Variants in USP10 observed in about 807,000 individuals in gnomAD.
USP10 encodes the protein ubiquitin specific peptidase 10, also known as ubiquitin carboxyl-terminal hydrolase 10.
Under a neutral mutation model 84.5 loss-of-function variants are expected in USP10, and 22 were observed. The ratio of observed to expected loss-of-function variants is 0.26; its 90% CI spans 0.19 to 0.37. The LOEUF (loss-of-function observed/expected upper bound fraction) is 0.37. Ranked by LOEUF, USP10 falls within the 10% of genes least tolerant of loss-of-function variation. The probability of loss-of-function intolerance (pLI) is 1.00; values close to 1 mark genes in which losing one functional copy is unlikely to be tolerated. For missense variants in USP10, 1,019 were observed against 998.9 expected (o/e 1.02, Z -0.27); for synonymous variants, 454 against 387.6 (o/e 1.17, Z -2.01).
Position 84,718,063 on chromosome 16 carries a change from T to C in USP10, c.22-15372T>C, listed in dbSNP as rs112163045. Among the ~76,000 whole-genome samples, 209 of 152,310 alleles carry C rather than the reference T, an allele frequency of 1.4e-3. 1 individual carries two copies. Among genetic ancestry groups the C allele is most frequent in the African/African-American group, 4.6e-3 (193 of 41,556 alleles). On this transcript the variant is annotated intron_variant, in intron 1 of 13. Transcript: ENST00000219473. ...AGAGATTGGGAGATTACTTGTCTTA[T>C]AGAGTTGTAGATGCTTCAGAGAACT... is the stretch of plus-strand genomic sequence containing the variant.
intron 2 of USP10, among the ~76,000 whole-genome samples, chr16:84,738,611 A>T (rs1910231521): frequency 6.6e-6 from 1 of 152,122 alleles, no homozygotes; most frequent in African/African-American, 2.4e-5. Context: ...ATCTCAGCAT[A>T]CAGAATGCTT....
intron 4 of USP10, among the ~76,000 whole-genome samples, chr16:84,747,182 C>G (rs2326392): frequency 0.2 from 30,699 of 152,146 alleles, 3,560 homozygotes; most frequent in East Asian, 0.41. Flanking sequence ...TCCACCAAGC[C>G]TGGTGACCAG....
chr16:84,775,808 C>T (rs1289035405), intron 13 of USP10, among the ~76,000 whole-genome samples: 1 of 152,224 alleles, frequency 6.6e-6, no homozygotes, highest in Non-Finnish European at 1.5e-5. Context: ...AGGCTCCCTG[C>T]AGTATCATTT....
At chr16:84,764,931 G>GAGAGA (rs11373757) in intron 10 of USP10, among the ~76,000 whole-genome samples, 5 of 39,252 alleles carry the variant, frequency 1.3e-4, no homozygotes, top group African/African-American at 4.4e-4. Context: ...GAGAGAGAGA[G>GAGAGA]AAAAAAAAAT....
At chr16:84,703,906 C>G (rs918942469) in intron 1 of USP10, among the ~76,000 whole-genome samples, 1 of 152,208 alleles carries the variant, frequency 6.6e-6, no homozygotes, top group Admixed American at 6.5e-5. Flanking sequence ...CTACCACATT[C>G]TAAATTCCTC....
chr16:84,758,767 G>A lies in USP10; in HGVS notation c.1244G>A (p.Arg415His), dbSNP rs1166998938. 1.2e-6 allele frequency: 2 copies of A among 1,613,758 alleles called. No individual in the cohort carries two copies. Among genetic ancestry groups the A allele is most frequent in the Non-Finnish European group, 1.7e-6 (2 of 1,179,776 alleles). Residue 415 changes from arginine (R) to histidine (H), a missense_variant, in exon 5 of 14, where the codon CGT (arginine) becomes CAT (histidine). Transcript: ENST00000219473. ...LIHKPVSLQP[R>H]GLINKGNWCY... ...CATAAACCAGTGTCGTTGCAACCCC[G>A]TGGGCTGATCAATAAAGGGAACTGG...
rs1205977545 is a variant in USP10 at position 84,745,710 on chromosome 16, G to A, written c.1192+37G>A. Reference sequence around the variant, plus strand: ...AAGATACAAATCTAGAGTGAAGATGGGAGCAGACCTCATCAACTGGGCTTA... The same window carrying A: ...AAGATACAAATCTAGAGTGAAGATGAGAGCAGACCTCATCAACTGGGCTTA... On this transcript the variant is annotated intron_variant, in intron 4 of 13. Coordinates refer to ENST00000219473, the MANE Select transcript of USP10 (RefSeq NM_005153.3). The A allele has an allele frequency of 1.8e-5, 28 of 1,559,098 alleles. No homozygotes were observed. The South Asian group carries it at 2.7e-4, about 15-fold the overall frequency.
chr16:84,719,641 G>A (rs1016904242), intron 1 of USP10, among the ~76,000 whole-genome samples: 5 of 152,208 alleles, frequency 3.3e-5, no homozygotes, highest in South Asian at 4.1e-4. Flanking sequence ...ATAGAATATA[G>A]GAAGCCGATT....
intron 11 of USP10, 80 bp from the exon 12 acceptor site, chr16:84,772,461 C>CT (rs987441016): frequency 6.3e-7 from 1 of 1,589,912 alleles, no homozygotes; most frequent in South Asian, 1.1e-5. Context: ...CAGAGGACGT[C>CT]TTTGAGCGGA....
intron 4 of USP10, among the ~76,000 whole-genome samples, chr16:84,748,718 T>G (rs1283768020): frequency 2.6e-5 from 4 of 152,248 alleles, no homozygotes. Context: ...TTAAAATGTT[T>G]TAGAACATTC....
intron 2 of USP10, among the ~76,000 whole-genome samples, chr16:84,737,878 G>A (rs1910134127): frequency 6.6e-6 from 1 of 152,140 alleles, no homozygotes; most frequent in African/African-American, 2.4e-5. Flanking sequence ...AGCCTTTCCA[G>A]CCTCTCCACC....
chr16:84,770,979 C>A (rs1479243969), intron 11 of USP10, among the ~76,000 whole-genome samples: 1 of 151,604 alleles, frequency 6.6e-6, no homozygotes, highest in Non-Finnish European at 1.5e-5. Flanking sequence ...ATCACTTGAA[C>A]CCTGGAGGTG....
chr16:84,742,765 G>T (rs939630693), intron 3 of USP10, among the ~76,000 whole-genome samples: 1 of 152,296 alleles, frequency 6.6e-6, no homozygotes, highest in East Asian at 1.9e-4. Context: ...GAACTGTGCT[G>T]GCTAGGAATC....
chr16:84,714,403 C>G (rs1461595023), intron 1 of USP10, among the ~76,000 whole-genome samples: 1 of 152,216 alleles, frequency 6.6e-6, no homozygotes, highest in African/African-American at 2.4e-5. Context: ...CCTGCACCAT[C>G]TAACTCCTAG....
At chr16:84,732,853 C>T (rs1208105876) in intron 1 of USP10, among the ~76,000 whole-genome samples, 1 of 152,184 alleles carries the variant, frequency 6.6e-6, no homozygotes, top group East Asian at 1.9e-4. Flanking sequence ...AAATCACATT[C>T]TGAATTCCGT....
Position 84,760,681 on chromosome 16 carries a change from C to G in USP10, c.1554+406C>G, listed in dbSNP as rs1397711223. Among the ~76,000 whole-genome samples the G allele has an allele frequency of 2.6e-5, 4 of 152,296 alleles. No individual in the cohort carries two copies. The South Asian group carries it at 8.3e-4, about 32-fold the overall frequency. ...AGAGCTTATGTCTTCATCATACTTA[C>G]AGGCTTTAGTAGCTATTTGATGTAC... On this transcript the variant is annotated intron_variant, in intron 8 of 13. Transcript: ENST00000219473.
intron 1 of USP10, 73 bp downstream of exon 1, chr16:84,700,184 G>C (rs1180754241): frequency 8.8e-7 from 1 of 1,131,250 alleles, no homozygotes; most frequent in Non-Finnish European, 1.1e-6. Flanking sequence ...GCGGGCGGGC[G>C]TCCGCGCCCT....
At chr16:84,734,124 G>A (rs1909594190) in intron 2 of USP10, among the ~76,000 whole-genome samples, 1 of 152,046 alleles carries the variant, frequency 6.6e-6, no homozygotes, top group Admixed American at 6.6e-5. Flanking sequence ...GGGCTCCTCC[G>A]GGACACAGAC....
At chr16:84,722,037 A>G (rs933084478) in intron 1 of USP10, among the ~76,000 whole-genome samples, 1 of 152,134 alleles carries the variant, frequency 6.6e-6, no homozygotes, top group African/African-American at 2.4e-5. Context: ...AGTAGTAACT[A>G]CTACCACACT....
Sources: gnomAD v4.1 joint callset for allele counts (sites outside exome capture counted in the v4.1 genomes callset) on GRCh38, gnomAD v4.1.1 for gene constraint, MANE v1.5 for transcripts, NCBI Gene and HGNC (gene_info 2026-07-23, HGNC 2026-07-21) for gene names.